GNG4: variants seen among roughly 807,000 people sequenced by gnomAD.
The protein encoded by GNG4 is guanine nucleotide-binding protein G(I)/G(S)/G(O) subunit gamma-4.
GNG4 carries 4 observed loss-of-function variants against 5.8 expected under a neutral mutation model. The ratio of observed to expected loss-of-function variants is 0.69; its 90% CI spans 0.34 to 1.57. The LOEUF is 1.57. Ranked by LOEUF, GNG4 falls within the 40% of genes most tolerant of loss-of-function variation. GNG4 has a pLI of 0.06. For synonymous variants in GNG4, 29 were observed against 32.9 expected (o/e 0.88, Z 0.41); for missense variants, 96 against 95.1 (o/e 1.01, Z -0.04).
intron 1 of GNG4, among the ~76,000 whole-genome samples, chr1:235,645,888 T>C (rs1434384155): frequency 2.6e-5 from 4 of 152,014 alleles, no homozygotes; most frequent in African/African-American, 7.3e-5. Context: ...TCTCTTTCTT[T>C]GTTGGAGCCC....
At chr1:235,552,410 C>G (rs1686779471) in intron 3 of GNG4, among the ~76,000 whole-genome samples, 173 bp from the exon 4 acceptor site, 1 of 152,074 alleles carries the variant, frequency 6.6e-6, no homozygotes, top group Non-Finnish European at 1.5e-5. Flanking sequence ...ATCTAGGAGA[C>G]TGGTTCGAAG....
At chr1:235,619,202 C>CACATAT (rs1553371262) in intron 1 of GNG4, among the ~76,000 whole-genome samples, 5 of 136,362 alleles carry the variant, frequency 3.7e-5, no homozygotes, top group African/African-American at 1.4e-4. Flanking sequence ...TACACACACA[C>CACATAT]ATATATATAT....
In GNG4 at chr1:235,642,381, A is replaced by G. The variant is rs1291761943; in HGVS notation, c.-123+7281T>C. 1.3e-5 allele frequency among the ~76,000 whole-genome samples: 2 copies of G among 152,234 alleles called. No individual in the cohort carries two copies. The highest frequency in any genetic ancestry group is 2.9e-5 in the Non-Finnish European group (2 of 68,038). On this transcript the variant is annotated intron_variant, in intron 1 of 3. Coordinates refer to ENST00000391854, the MANE Select transcript of GNG4 (RefSeq NM_001098722.2). This position sits in a 1 kb window ranked among gnomAD's most constrained non-coding sequence, Gnocchi z 4.3. The stretch of plus-strand genomic sequence containing the variant: ...ATAGAACAGAAACTCCCTCTCGAAT[A>G]GAGACCCACGCACGGAAGGATGATA...
rs1018321880 is a variant in GNG4 at position 235,547,740 on chromosome 1, G to A, written c.*4369C>T. The A allele has an allele frequency of 6.6e-6, 1 of 152,050 alleles. No individual in the cohort carries two copies. Among genetic ancestry groups the A allele is most frequent in the African/African-American group, 2.4e-5 (1 of 41,404 alleles). The allele number at this position is 152,050 out of a possible 1,614,324, so 9.4% of individuals were successfully genotyped here. A position where few individuals can be genotyped will look rare whatever the true frequency, so the allele number is the denominator to read the frequency against. ...AAGTATAACATACACACAGAAAAGT[G>A]CCCAGATCAAAAGTGTACAGCTCCA... is the stretch of plus-strand genomic sequence containing the variant. On this transcript the variant is annotated 3_prime_UTR_variant, in exon 4 of 4. Transcript: ENST00000391854.
chr1:235,638,190 G>C (rs1322989389), intron 1 of GNG4, among the ~76,000 whole-genome samples: 1 of 152,186 alleles, frequency 6.6e-6, no homozygotes, highest in Non-Finnish European at 1.5e-5. Context: ...CTCCTTTCTA[G>C]CTCCGGAAAT....
intron 1 of GNG4, among the ~76,000 whole-genome samples, chr1:235,613,950 A>T (rs1688533616): frequency 6.6e-6 from 1 of 152,120 alleles, no homozygotes; most frequent in Non-Finnish European, 1.5e-5. Flanking sequence ...AGTAGCTGGG[A>T]CCACAGGTGT....
intron 3 of GNG4, among the ~76,000 whole-genome samples, chr1:235,561,421 T>G (rs896338494): frequency 6.7e-6 from 1 of 149,572 alleles, no homozygotes; most frequent in Non-Finnish European, 1.5e-5. Flanking sequence ...TATATATACA[T>G]TTTTTTTTTC....
At chr1:235,618,756 A>G (rs1324990807) in intron 1 of GNG4, among the ~76,000 whole-genome samples, 3 of 151,544 alleles carry the variant, frequency 2.0e-5, no homozygotes, top group African/African-American at 7.3e-5. Context: ...CCTGGGTTCA[A>G]GCAATTCTCC....
chr1:235,582,312 T>C (rs1251279337), intron 3 of GNG4, among the ~76,000 whole-genome samples: 1 of 152,132 alleles, frequency 6.6e-6, no homozygotes, highest in Non-Finnish European at 1.5e-5. Flanking sequence ...CTCCCATAGC[T>C]CTCTTCCCAG....
intron 1 of GNG4, among the ~76,000 whole-genome samples, chr1:235,647,344 AAAATTCCACG>A (rs1448453407): frequency 6.6e-6 from 1 of 151,830 alleles, no homozygotes; most frequent in Admixed American, 6.6e-5. Flanking sequence ...TTACTACTTC[AAAATTCCACG>A]AAGAAAGGGG....
intron 1 of GNG4, among the ~76,000 whole-genome samples, chr1:235,605,954 G>T (rs184746122): frequency 7.0e-4 from 74 of 105,790 alleles, no homozygotes; most frequent in African/African-American, 2.5e-3. Context: ...GATTGAGAGT[G>T]TGGGGGGGTG....
intron 1 of GNG4, among the ~76,000 whole-genome samples, chr1:235,637,710 G>C (rs956706144): frequency 1.3e-5 from 2 of 151,706 alleles, no homozygotes; most frequent in African/African-American, 4.9e-5. Flanking sequence ...GGTGGAAACA[G>C]ATGTTTGAAC....
rs895082583 is a variant in GNG4, at chr1:235,567,149, G to A, written c.100-14912C>T. Among the ~76,000 whole-genome samples the A allele has an allele frequency of 2.0e-5, 3 of 151,770 alleles. No homozygotes were observed. The East Asian group carries it at 5.8e-4, about 29-fold the overall frequency. ...TGGTCTCGCTATGTTTCCCAGACTG[G>A]TCTCAAACTCCTGAGCTCAAGCAAT... On this transcript the variant is annotated intron_variant, in intron 3 of 3. Transcript: ENST00000391854.
intron 3 of GNG4, among the ~76,000 whole-genome samples, chr1:235,576,579 T>C (rs151272254): frequency 6.6e-6 from 1 of 152,202 alleles, no homozygotes; most frequent in Admixed American, 6.5e-5. Flanking sequence ...ATCCTCCTCA[T>C]GCCTGCGACA....
intron 1 of GNG4, among the ~76,000 whole-genome samples, chr1:235,620,296 T>C (rs1205621305): frequency 6.8e-6 from 1 of 148,104 alleles, no homozygotes; most frequent in African/African-American, 2.5e-5. Context: ...ACCGGGGAGG[T>C]GGAGGTTGCG....
chr1:235,617,425 G>T (rs1688615096), intron 1 of GNG4, among the ~76,000 whole-genome samples: 1 of 152,276 alleles, frequency 6.6e-6, no homozygotes, highest in South Asian at 2.1e-4. Flanking sequence ...TGATTTGGGG[G>T]CAGCACCTGG....
chr1:235,620,726 AG>A (rs1688692913), intron 1 of GNG4, among the ~76,000 whole-genome samples: 2 of 151,866 alleles, frequency 1.3e-5, no homozygotes, highest in African/African-American at 2.4e-5. Context: ...TAGTAGAGAC[AG>A]GGTTTCACCG....
intron 3 of GNG4, among the ~76,000 whole-genome samples, chr1:235,577,308 A>G (rs944443545): frequency 6.6e-6 from 1 of 152,050 alleles, no homozygotes; most frequent in Admixed American, 6.6e-5. Context: ...CACGATTCCT[A>G]CCATGGACCC....
chr1:235,621,892 G>A (rs1688719853), intron 1 of GNG4, among the ~76,000 whole-genome samples: 1 of 151,864 alleles, frequency 6.6e-6, no homozygotes, highest in Non-Finnish European at 1.5e-5. Flanking sequence ...GCTCAGGTTG[G>A]TCTCGAACTC....
Sources: gnomAD v4.1 joint callset for allele counts (sites outside exome capture counted in the v4.1 genomes callset) on GRCh38, gnomAD v4.1.1 for gene constraint, Gnocchi (gnomAD v3.1) non-coding constraint, MANE v1.5 for transcripts, NCBI Gene and HGNC (gene_info 2026-07-23, HGNC 2026-07-21) for gene names.